Variants in RFX2 observed in about 807,000 individuals in gnomAD.
RFX2 encodes the protein DNA-binding protein RFX2.
Under a neutral mutation model 87.8 loss-of-function variants are expected in RFX2, and 20 were observed. That is an observed-to-expected ratio of 0.23 (90% confidence interval 0.16 to 0.33). The LOEUF (loss-of-function observed/expected upper bound fraction) is 0.33. Ranked by LOEUF, RFX2 falls within the 10% of genes least tolerant of loss-of-function variation. RFX2 has a pLI of 1.00. For synonymous variants in RFX2, 397 were observed against 431.3 expected (o/e 0.92, Z 0.98); for missense variants, 767 against 1,012.3 (o/e 0.76, Z 3.29).
chr19:6,008,298 G>GTCCTAAGA, intron 9 of RFX2, 74 bp from the exon 10 acceptor site: 1 of 839,324 alleles, frequency 1.2e-6, no homozygotes, highest in Non-Finnish European at 1.8e-6. Flanking sequence ...AGGCCACGGT[G>GTCCTAAGA]GATGGGGGCC....
intron 5 of RFX2, among the ~76,000 whole-genome samples, chr19:6,037,516 T>C (rs562734591): frequency 6.6e-6 from 1 of 152,292 alleles, no homozygotes; most frequent in South Asian, 2.1e-4. Flanking sequence ...AAAATGCTGA[T>C]GAAAGAAGAT....
intron 12 of RFX2, among the ~76,000 whole-genome samples, chr19:6,005,928 A>G (rs1306089075): frequency 1.3e-5 from 2 of 152,196 alleles, no homozygotes; most frequent in African/African-American, 4.8e-5. Flanking sequence ...GCCCTGGGCC[A>G]AGGCCTCCCG....
At chr19:6,018,108 TGGCATTATA>T in intron 6 of RFX2, among the ~76,000 whole-genome samples, 1 of 152,262 alleles carries the variant, frequency 6.6e-6, no homozygotes, top group East Asian at 1.9e-4. Context: ...CCTGAGTAGC[TGGCATTATA>T]GGCATGCACC....
At chr19:6,090,527 A>G (rs2087918914) in intron 1 of RFX2, among the ~76,000 whole-genome samples, 1 of 152,162 alleles carries the variant, frequency 6.6e-6, no homozygotes, top group African/African-American at 2.4e-5. Flanking sequence ...GGTTATACTA[A>G]AAACAGGGAA....
In RFX2 at chr19:6,040,511, G is replaced by A. The variant is rs2087092757; in HGVS notation, c.261-270C>T. Among the ~76,000 whole-genome samples the A allele has an allele frequency of 6.6e-6, 1 of 152,204 alleles. No individual in the cohort carries two copies. The highest frequency in any genetic ancestry group is 2.1e-4 in the South Asian group (1 of 4,830). On this transcript the variant is annotated intron_variant, in intron 4 of 17. Transcript: ENST00000303657. The surrounding 1 kb of genome is among the most constrained non-coding windows in gnomAD (Gnocchi z 6.1). ...GTGGTGGCTCACGCCTGTAATCCCAGCACTTTGGGAGGCTAAGGTGGGAAA... is the reference window on the plus strand; with the variant it reads ...GTGGTGGCTCACGCCTGTAATCCCAACACTTTGGGAGGCTAAGGTGGGAAA...
At chr19:6,049,001 C>G (rs1315493284) in intron 1 of RFX2, 1 of 152,030 alleles carries the variant, frequency 6.6e-6, no homozygotes, top group Non-Finnish European at 1.5e-5. Flanking sequence ...CAGAGCCACA[C>G]GGTGATTGGC....
In RFX2 at chr19:5,998,479, C is replaced by T. The variant is rs1358466392; in HGVS notation, c.1860-1266G>A. The stretch of plus-strand genomic sequence containing the variant: ...AAACTCTGTTACGTCTAATCGGTAT[C>T]GAGCGATAAAAAGAAGACACAGGCT... On this transcript the variant is annotated intron_variant, in intron 15 of 17. Coordinates refer to ENST00000303657, the MANE Select transcript of RFX2 (RefSeq NM_000635.4). This position sits in a 1 kb window ranked among gnomAD's most constrained non-coding sequence, Gnocchi z 4.2. 2.0e-5 allele frequency among the ~76,000 whole-genome samples: 3 copies of T among 152,166 alleles called. No homozygotes were observed. The highest frequency in any genetic ancestry group is 7.2e-5 in the African/African-American group (3 of 41,432).
chr19:6,089,931 GA>G (rs1428122193), intron 1 of RFX2, among the ~76,000 whole-genome samples: 1 of 152,088 alleles, frequency 6.6e-6, no homozygotes, highest in East Asian at 1.9e-4. Flanking sequence ...AACATCTTTG[GA>G]TTGTTTGTAT....
chr19:6,051,750 G>A (rs983283246), intron 1 of RFX2, among the ~76,000 whole-genome samples: 1 of 152,110 alleles, frequency 6.6e-6, no homozygotes, highest in Non-Finnish European at 1.5e-5. Context: ...GAAATGATCA[G>A]CCTGGATAAC....
intron 5 of RFX2, among the ~76,000 whole-genome samples, chr19:6,035,341 G>A (rs922095239): frequency 6.6e-6 from 1 of 152,030 alleles, no homozygotes; most frequent in Non-Finnish European, 1.5e-5. Context: ...AAAAAAGGAG[G>A]TTCCACTTGG....
intron 1 of RFX2, chr19:6,077,114 A>C (rs2087703166): frequency 1.3e-5 from 2 of 152,230 alleles, no homozygotes; most frequent in Non-Finnish European, 2.9e-5. Flanking sequence ...ATCGCATAAC[A>C]AAAACAGTGA....
At chr19:6,108,710 G>A (rs745900220) in intron 1 of RFX2, among the ~76,000 whole-genome samples, 150 of 152,308 alleles carry the variant, frequency 9.8e-4, no homozygotes, top group Non-Finnish European at 1.7e-3. Context: ...AGCCTGGGGG[G>A]GCGGGGGTAA....
At position 6,021,164 on chromosome 19, in the gene RFX2, A is replaced by G. The variant is rs2086806112; in HGVS notation, c.598-4893T>C. 6.6e-6 allele frequency among the ~76,000 whole-genome samples: 1 copy of G among 152,216 alleles called. No individual in the cohort carries two copies. The highest frequency in any genetic ancestry group is 6.5e-5 in the Admixed American group (1 of 15,284). On this transcript the variant is annotated intron_variant, in intron 6 of 17. Coordinates refer to ENST00000303657, the MANE Select transcript of RFX2 (RefSeq NM_000635.4). This position sits in a 1 kb window ranked among gnomAD's most constrained non-coding sequence, Gnocchi z 5.7. Reference sequence around the variant, plus strand: ...TGGTGAGTTAGAGTCTCACCGGGCCATACACTAGCAGCTCGGGCAGCTATT... The same window carrying G: ...TGGTGAGTTAGAGTCTCACCGGGCCGTACACTAGCAGCTCGGGCAGCTATT...
rs1284637710 is a variant in RFX2, at chr19:5,999,161, C to T, written c.1860-1948G>A. 1.3e-5 allele frequency among the ~76,000 whole-genome samples: 2 copies of T among 152,200 alleles called. No individual in the cohort carries two copies. Among genetic ancestry groups the T allele is most frequent in the African/African-American group, 4.8e-5 (2 of 41,450 alleles). ...ATCCCAGCTATTCAGGAGGCTGAGGCACGAGAAGTGCTTGAACCCGGGAAG... is the reference window on the plus strand; with the variant it reads ...ATCCCAGCTATTCAGGAGGCTGAGGTACGAGAAGTGCTTGAACCCGGGAAG... On this transcript the variant is annotated intron_variant, in intron 15 of 17. Transcript: ENST00000303657. The surrounding 1 kb of genome is among the most constrained non-coding windows in gnomAD (Gnocchi z 4.1).
At chr19:6,057,277 C>G (rs2087358245) in intron 1 of RFX2, 1 of 152,224 alleles carries the variant, frequency 6.6e-6, no homozygotes, top group African/African-American at 2.4e-5. Flanking sequence ...CCCTGGACTA[C>G]GGCCGTGATG....
chr19:6,071,748 TA>T (rs35989251), intron 1 of RFX2, among the ~76,000 whole-genome samples: 70,053 of 152,090 alleles, frequency 0.46, 18,709 homozygotes, highest in African/African-American at 0.75. Context: ...GTTTTTAAAC[TA>T]AATTAGTCCC....
At chr19:6,089,267 G>A (rs1315164325) in intron 1 of RFX2, among the ~76,000 whole-genome samples, 1 of 152,198 alleles carries the variant, frequency 6.6e-6, no homozygotes, top group African/African-American at 2.4e-5. Context: ...CAGCAGGTCA[G>A]GGACACTCTG....
In RFX2 at chr19:6,042,362, C is replaced by T. The variant is rs79771885; in HGVS notation, c.181-239G>A. On this transcript the variant is annotated intron_variant, in intron 3 of 17. Coordinates refer to ENST00000303657, the MANE Select transcript of RFX2 (RefSeq NM_000635.4). ...CGACTGATCCCCAGAGCTCTGCTAG[C>T]GTGTCTGTGCGCCCTGGCTCCTCTG... is the stretch of plus-strand genomic sequence containing the variant. Among the ~76,000 whole-genome samples, 1,043 of 152,310 alleles carry T rather than the reference C, an allele frequency of 6.8e-3. 17 individuals carry two copies. The East Asian group carries it at 0.071, about 10-fold the overall frequency.
chr19:6,011,533 G>T lies in RFX2; in HGVS notation c.900-1282C>A, dbSNP rs894106480. Among the ~76,000 whole-genome samples, 5 of 152,228 alleles carry T rather than the reference G, an allele frequency of 3.3e-5. No homozygotes were observed. The highest frequency in any genetic ancestry group is 6.5e-5 in the Admixed American group (1 of 15,286). ...TGGCTTCCAAATGCAAATGGCATCA[G>T]CCTGTCCCCCTGAAATGTGTGTCGC... On this transcript the variant is annotated intron_variant, in intron 8 of 17. Transcript: ENST00000303657. This position sits in a 1 kb window ranked among gnomAD's most constrained non-coding sequence, Gnocchi z 4.8.
Sources: allele counts gnomAD v4.1 joint callset (sites outside exome capture counted in the v4.1 genomes callset), GRCh38; gene constraint gnomAD v4.1.1; non-coding constraint Gnocchi (gnomAD v3.1); transcripts MANE v1.5; gene names NCBI Gene and HGNC (gene_info 2026-07-23, HGNC 2026-07-21).